The following PEX14 variants were observed in gnomAD, a reference collection of about 807,000 sequenced individuals.
PEX14 encodes the protein peroxisomal membrane protein PEX14.
Under a neutral mutation model 49.5 loss-of-function variants are expected in PEX14, and 15 were observed. The observed-to-expected ratio is 0.30, with a 90% CI of 0.20 to 0.47. PEX14 has a LOEUF of 0.47. Ranked by LOEUF, PEX14 falls within the 20% of genes least tolerant of loss-of-function variation. PEX14 has a pLI of 1.00. For synonymous variants in PEX14, 210 were observed against 212.7 expected, an observed-to-expected ratio of 0.99 and a Z score of 0.11; for missense variants, 398 against 494.8, an observed-to-expected ratio of 0.80 and a Z score of 1.86.
intron 8 of PEX14, among the ~76,000 whole-genome samples, chr1:10,627,577 A>G (rs1641787502): frequency 6.6e-6 from 1 of 152,168 alleles, no homozygotes; most frequent in Non-Finnish European, 1.5e-5. Flanking sequence ...GTGGCACACA[A>G]GTTTTGAAAT....
chr1:10,614,358 G>A (rs1244803554), intron 4 of PEX14, among the ~76,000 whole-genome samples: 2 of 152,146 alleles, frequency 1.3e-5, no homozygotes, highest in African/African-American at 4.8e-5. Flanking sequence ...AAAACCAGGG[G>A]GCAATAAAAT....
intron 2 of PEX14, among the ~76,000 whole-genome samples, chr1:10,515,001 T>G (rs1246630648): frequency 6.6e-6 from 1 of 152,156 alleles, no homozygotes; most frequent in Non-Finnish European, 1.5e-5. Context: ...CCTGCCCCTG[T>G]GTAGGTGGGA....
chr1:10,541,340 GT>G (rs139740901), intron 3 of PEX14, among the ~76,000 whole-genome samples: 3,453 of 152,318 alleles, frequency 0.023, 56 homozygotes, highest in Non-Finnish European at 0.033. Context: ...AACGGGTTTG[GT>G]TTTGGAACCT....
intron 3 of PEX14, among the ~76,000 whole-genome samples, chr1:10,593,068 A>G (rs1386549451): frequency 1.3e-5 from 2 of 152,182 alleles, no homozygotes; most frequent in African/African-American, 4.8e-5. Flanking sequence ...TACATTTTGC[A>G]CTGGCTTTTT....
At chr1:10,592,073 T>C (rs1458534651) in intron 3 of PEX14, among the ~76,000 whole-genome samples, 1 of 152,254 alleles carries the variant, frequency 6.6e-6, no homozygotes, top group African/African-American at 2.4e-5. Flanking sequence ...TAAACCACCC[T>C]TCATGACCTC....
intron 2 of PEX14, among the ~76,000 whole-genome samples, chr1:10,508,015 C>T (rs895110716): frequency 2.0e-5 from 3 of 152,204 alleles, no homozygotes; most frequent in East Asian, 1.9e-4. Flanking sequence ...CCCATGGGCA[C>T]GTGTCTTTAA....
intron 2 of PEX14, among the ~76,000 whole-genome samples, chr1:10,506,999 A>C (rs772828422): frequency 1.3e-4 from 20 of 152,212 alleles, no homozygotes; most frequent in Non-Finnish European, 1.2e-4. Context: ...TTTTTGATTA[A>C]CCGAACAATT....
intron 3 of PEX14, among the ~76,000 whole-genome samples, chr1:10,596,294 C>T (rs284267): frequency 2.6e-5 from 4 of 152,174 alleles, no homozygotes; most frequent in South Asian, 2.1e-4. Context: ...GACTTGATTT[C>T]GGGTTAGAAT....
chr1:10,487,525 G>A (rs1369246279), intron 1 of PEX14, among the ~76,000 whole-genome samples: 3 of 110,874 alleles, frequency 2.7e-5, no homozygotes, highest in South Asian at 3.1e-4. Flanking sequence ...TTGCCCTATC[G>A]CCAGGCTGGA....
At chr1:10,546,599 G>T (rs1639181363) in intron 3 of PEX14, among the ~76,000 whole-genome samples, 1 of 145,802 alleles carries the variant, frequency 6.9e-6, no homozygotes, top group Non-Finnish European at 1.5e-5. Flanking sequence ...AGGTGCGGTG[G>T]CTCACGCCTA....
chr1:10,612,384 A>G (rs1315522250), intron 4 of PEX14, among the ~76,000 whole-genome samples: 1 of 152,188 alleles, frequency 6.6e-6, no homozygotes, highest in Non-Finnish European at 1.5e-5. Flanking sequence ...GGGGATATAG[A>G]TATGCCTCTC....
chr1:10,558,153 T>C (rs148693955), intron 3 of PEX14, among the ~76,000 whole-genome samples: 2 of 152,238 alleles, frequency 1.3e-5, no homozygotes, highest in African/African-American at 4.8e-5. Context: ...TTCGTTGTAC[T>C]CTTTTGTACA....
chr1:10,494,139 C>T lies in PEX14; in HGVS notation c.37-1135C>T, dbSNP rs1050539486. Among the ~76,000 whole-genome samples the T allele has an allele frequency of 3.3e-5, 5 of 152,168 alleles. No individual in the cohort carries two copies. Among genetic ancestry groups the T allele is most frequent in the African/African-American group, 9.7e-5 (4 of 41,440 alleles). On this transcript the variant is annotated intron_variant, in intron 1 of 8. Transcript: ENST00000356607. This position sits in a 1 kb window ranked among gnomAD's most constrained non-coding sequence, Gnocchi z 4.3. Reference sequence around the variant, plus strand: ...TGGTGAGGCTCTTGGGACAGGACTTCGGATGGAGGGATAGAGGCCTTCACC... The same window carrying T: ...TGGTGAGGCTCTTGGGACAGGACTTTGGATGGAGGGATAGAGGCCTTCACC...
At chr1:10,534,261 A>G (rs554075026) in intron 2 of PEX14, among the ~76,000 whole-genome samples, 1 of 152,224 alleles carries the variant, frequency 6.6e-6, no homozygotes, top group East Asian at 1.9e-4. Flanking sequence ...TCCCCACGCC[A>G]TCTGAGCTGT....
At chr1:10,544,759 TTTTTTTC>T (rs1319877143) in intron 3 of PEX14, among the ~76,000 whole-genome samples, 2 of 151,940 alleles carry the variant, frequency 1.3e-5, no homozygotes, top group Non-Finnish European at 2.9e-5. Context: ...TTAGCCTTTT[TTTTTTTC>T]TTTTTCTTTT....
intron 2 of PEX14, among the ~76,000 whole-genome samples, chr1:10,519,155 C>T (rs1391689472): frequency 6.6e-6 from 1 of 152,122 alleles, no homozygotes; most frequent in Non-Finnish European, 1.5e-5. Flanking sequence ...CTCCCCCTAA[C>T]ACCCCCCTTT....
chr1:10,524,783 T>G (rs1447806579), intron 2 of PEX14, among the ~76,000 whole-genome samples: 2 of 152,156 alleles, frequency 1.3e-5, no homozygotes, highest in African/African-American at 4.8e-5. Context: ...AACCTCAAAC[T>G]CCTGAGCTCA....
intron 1 of PEX14, among the ~76,000 whole-genome samples, chr1:10,475,748 A>C (rs1425503922): frequency 1.3e-5 from 2 of 152,190 alleles, no homozygotes; most frequent in African/African-American, 4.8e-5. Context: ...AAGGTCTCCG[A>C]AGGGGTTTAT....
At chr1:10,530,112 T>C (rs1570216300) in intron 2 of PEX14, among the ~76,000 whole-genome samples, 1 of 152,210 alleles carries the variant, frequency 6.6e-6, no homozygotes, top group African/African-American at 2.4e-5. Context: ...ACATGAAACA[T>C]ACCTTTGTGT....
Sources: gnomAD v4.1 joint callset for allele counts (sites outside exome capture counted in the v4.1 genomes callset) on GRCh38, gnomAD v4.1.1 for gene constraint, Gnocchi (gnomAD v3.1) non-coding constraint, MANE v1.5 for transcripts, NCBI Gene and HGNC (gene_info 2026-07-23, HGNC 2026-07-21) for gene names.